Variants in CSMD1 observed in about 807,000 individuals in gnomAD.
CSMD1 encodes the protein CUB and sushi domain-containing protein 1.
CSMD1 carries 213 observed loss-of-function variants against 417.5 expected under a neutral mutation model. That is an observed-to-expected ratio of 0.51 (90% confidence interval 0.46 to 0.57). The LOEUF (loss-of-function observed/expected upper bound fraction) is 0.57, where lower values mean the gene tolerates loss of function less well. Among genes scored for constraint, CSMD1 ranks in the 20% least tolerant of loss-of-function variants. The pLI, the probability that CSMD1 is intolerant of heterozygous loss-of-function variation, is 0.00. For missense variants in CSMD1, 6,923 were observed against 4,529.7 expected, an observed-to-expected ratio of 1.53 and a Z score of -15.17; for synonymous variants, 2,862 against 1,736.8, an observed-to-expected ratio of 1.65 and a Z score of -16.11.
At chr8:4,324,221 A>G (rs749919006) in intron 3 of CSMD1, among the ~76,000 whole-genome samples, 30 of 152,362 alleles carry the variant, frequency 2.0e-4, no homozygotes, top group Non-Finnish European at 1.5e-4. Flanking sequence ...TGTATGATGC[A>G]TCTGCAGAGA....
At chr8:3,801,428 C>A (rs1425814922) in intron 5 of CSMD1, among the ~76,000 whole-genome samples, 3 of 152,092 alleles carry the variant, frequency 2.0e-5, no homozygotes, top group African/African-American at 7.2e-5. Flanking sequence ...CAATGAGATA[C>A]CATTTCATAC....
At chr8:4,623,438 G>C (rs1801895541) in intron 2 of CSMD1, among the ~76,000 whole-genome samples, 1 of 152,064 alleles carries the variant, frequency 6.6e-6, no homozygotes, top group African/African-American at 2.4e-5. Flanking sequence ...TTCTTCAAAA[G>C]TTTAACATAA....
intron 3 of CSMD1, among the ~76,000 whole-genome samples, chr8:4,130,908 G>T (rs931147022): frequency 4.6e-5 from 7 of 151,716 alleles, no homozygotes; most frequent in Admixed American, 1.3e-4. Context: ...TGCATTGGAT[G>T]GACGGATTAA....
intron 2 of CSMD1, among the ~76,000 whole-genome samples, chr8:4,539,069 G>C (rs976912169): frequency 1.3e-5 from 2 of 152,160 alleles, no homozygotes; most frequent in African/African-American, 4.8e-5. Context: ...AAAATGTGTG[G>C]CTTTTGTTTT....
At chr8:4,193,806 G>C (rs1484001242) in intron 3 of CSMD1, among the ~76,000 whole-genome samples, 1 of 151,980 alleles carries the variant, frequency 6.6e-6, no homozygotes, top group East Asian at 1.9e-4. Flanking sequence ...ATGCTATGGC[G>C]AGAAGAGCAG....
intron 1 of CSMD1, among the ~76,000 whole-genome samples, chr8:4,734,288 C>T (rs1810085753): frequency 6.6e-6 from 1 of 151,990 alleles, no homozygotes; most frequent in Non-Finnish European, 1.5e-5. Flanking sequence ...ATATATTGAG[C>T]AGTACTAAAA....
At chr8:3,579,870 G>C (rs1188861992) in intron 9 of CSMD1, among the ~76,000 whole-genome samples, 3 of 152,184 alleles carry the variant, frequency 2.0e-5, no homozygotes, top group Admixed American at 6.5e-5. Context: ...TTGGAAGGCT[G>C]AGGCGGGTGG....
chr8:3,866,932 T>C (rs113800422), intron 5 of CSMD1, among the ~76,000 whole-genome samples: 22 of 152,330 alleles, frequency 1.4e-4, no homozygotes, highest in African/African-American at 3.8e-4. Context: ...CATATGCATG[T>C]ATGGATTTGT....
At chr8:4,132,393 T>C (rs528008544) in intron 3 of CSMD1, among the ~76,000 whole-genome samples, 1 of 152,264 alleles carries the variant, frequency 6.6e-6, no homozygotes, top group East Asian at 1.9e-4. Context: ...TATTCTCTAG[T>C]ATGGTGTCTG....
At chr8:3,968,520 C>T (rs1812847760) in intron 5 of CSMD1, among the ~76,000 whole-genome samples, 1 of 150,234 alleles carries the variant, frequency 6.7e-6, no homozygotes, top group African/African-American at 2.4e-5. Context: ...AAGCAACATA[C>T]TGCAAATGCC....
chr8:3,242,485 A>G (rs914799511), intron 26 of CSMD1, among the ~76,000 whole-genome samples: 5 of 152,120 alleles, frequency 3.3e-5, no homozygotes, highest in Non-Finnish European at 7.3e-5. Context: ...CCATTTGCCC[A>G]TTCTATGCCA....
chr8:4,290,998 T>C (rs549018101), intron 3 of CSMD1, among the ~76,000 whole-genome samples: 95 of 152,304 alleles, frequency 6.2e-4, no homozygotes, highest in African/African-American at 2.2e-3. Flanking sequence ...ATTTGTTAAA[T>C]GTATATGTAA....
intron 7 of CSMD1, among the ~76,000 whole-genome samples, chr8:3,650,215 T>C (rs1280551790): frequency 2.6e-5 from 4 of 151,874 alleles, no homozygotes; most frequent in Non-Finnish European, 5.9e-5. Flanking sequence ...GAAGGCAGAT[T>C]TGCAATGACC....
At chr8:4,552,334 C>CT (rs796555284) in intron 2 of CSMD1, among the ~76,000 whole-genome samples, 73 of 149,904 alleles carry the variant, frequency 4.9e-4, no homozygotes, top group Middle Eastern at 6.9e-3. Flanking sequence ...ATCTCACATT[C>CT]TTTTTTTTTT....
chr8:4,250,830 T>A (rs972080025), intron 3 of CSMD1, among the ~76,000 whole-genome samples: 1 of 152,208 alleles, frequency 6.6e-6, no homozygotes, highest in East Asian at 1.9e-4. Context: ...TGAAATGTTT[T>A]TTAGAATATG....
chr8:4,118,979 A>G (rs1802319723), intron 3 of CSMD1, among the ~76,000 whole-genome samples: 1 of 152,172 alleles, frequency 6.6e-6, no homozygotes, highest in Non-Finnish European at 1.5e-5. Flanking sequence ...TTCTCAGCAA[A>G]CTAACACAAG....
intron 16 of CSMD1, among the ~76,000 whole-genome samples, chr8:3,398,977 C>T (rs1250154403): frequency 6.6e-6 from 1 of 152,122 alleles, no homozygotes; most frequent in African/African-American, 2.4e-5. Flanking sequence ...CACTAGCTGC[C>T]CTCGAGTGAC....
chr8:4,248,057 G>T (rs2128828476), intron 3 of CSMD1, among the ~76,000 whole-genome samples: 1 of 152,252 alleles, frequency 6.6e-6, no homozygotes, highest in Admixed American at 6.5e-5. Context: ...TCATTTGAAT[G>T]AATGGAAATT....
intron 1 of CSMD1, among the ~76,000 whole-genome samples, chr8:4,755,731 T>G (rs972026587): frequency 6.6e-6 from 1 of 152,240 alleles, no homozygotes; most frequent in Non-Finnish European, 1.5e-5. Context: ...GTTTTCTGTA[T>G]GTAGAGTTAC....
Sources: allele counts gnomAD v4.1 joint callset (sites outside exome capture counted in the v4.1 genomes callset), GRCh38; gene constraint gnomAD v4.1.1; transcripts MANE v1.5; gene names NCBI Gene and HGNC (gene_info 2026-07-23, HGNC 2026-07-21).